IMPG1: variants seen among roughly 807,000 people sequenced by gnomAD.
IMPG1 encodes the protein interphotoreceptor matrix proteoglycan 1.
IMPG1 carries 85 observed loss-of-function variants against 92.0 expected under a neutral mutation model. The observed-to-expected ratio is 0.92, with a 90% CI of 0.78 to 1.11. The LOEUF is 1.11. IMPG1 is among the 50% of genes least tolerant of loss of function. IMPG1 has a pLI of 0.00. For missense variants in IMPG1, 1,022 were observed against 956.0 expected (o/e 1.07, Z -0.91); for synonymous variants, 367 against 334.1 (o/e 1.10, Z -1.08).
chr6:75,922,106 C>A lies in IMPG1; in HGVS notation c.2377G>T (p.Asp793Tyr), dbSNP rs76604824. The A allele has an allele frequency of 7.4e-7, 1 of 1,348,432 alleles. No homozygotes were observed. The highest frequency in any genetic ancestry group is 1.2e-5 in the South Asian group (1 of 82,264). 83.5% of individuals were successfully genotyped at this position (1,348,432 alleles called of 1,614,324 possible). The stretch of plus-strand genomic sequence containing the variant: ...TTCAGTTTTTAATTTCCTTCCCAAT[C>A]TTGATGGTTAAATTCTTCATATTCT... Reference protein sequence around the residue: ...TVEYEEFNHQDWEGN With the variant: ...TVEYEEFNHQYWEGN Residue 793 changes from aspartate to tyrosine, a missense_variant, in exon 17 of 17, where the codon GAT becomes TAT. This residue lies in a region of IMPG1 where 332 missense variants were observed against 346.2 expected (regional missense o/e 0.96). Transcript: ENST00000369950.
Position 76,034,332 on chromosome 6 carries a change from C to T in IMPG1, c.480G>A (p.Gln160=). The T allele has an allele frequency of 6.2e-7, 1 of 1,613,352 alleles. No individual in the cohort carries two copies. Among genetic ancestry groups the T allele is most frequent in the Non-Finnish European group, 8.5e-7 (1 of 1,179,306 alleles). The change falls in exon 4 of 17, where the codon CAG becomes CAA. Residue 160 remains glutamine (Q), a synonymous_variant. Coordinates refer to ENST00000369950, the MANE Select transcript of IMPG1 (RefSeq NM_001563.4). ...HLDLLQQRIK[Q]RSFPDRKDEI... is the part of the protein sequence containing the mutation. ...GTACTTGCCTGTCAGGGAAACTTCT[C>T]TGTTTTATTCTCTGCAAAAAGATAA...
At chr6:76,051,406 C>G (rs116619370) in intron 1 of IMPG1, among the ~76,000 whole-genome samples, 3,481 of 152,282 alleles carry the variant, frequency 0.023, 119 homozygotes, top group African/African-American at 0.076. Context: ...ATACTGTTTT[C>G]TAGGCAATAA....
chr6:75,959,341 G>T (rs1309002160), intron 12 of IMPG1, among the ~76,000 whole-genome samples: 2 of 152,166 alleles, frequency 1.3e-5, no homozygotes, highest in Non-Finnish European at 2.9e-5. Flanking sequence ...AGGAGACACA[G>T]GGTTCAGGGA....
In IMPG1 at chr6:76,049,870, C is replaced by T. The variant is rs115548788; in HGVS notation, c.68-7744G>A. On this transcript the variant is annotated intron_variant, in intron 1 of 16. Transcript: ENST00000369950. ...GCAGACTAAGGAAAATGGTTGGCAC[C>T]GAAGGCTTAAGTTGGGGAGGTTGGT... Among the ~76,000 whole-genome samples, 307 of 152,182 alleles carry T rather than the reference C, an allele frequency of 2.0e-3. 1 individual carries two copies. Among genetic ancestry groups the T allele is most frequent in the African/African-American group, 6.8e-3 (284 of 41,520 alleles).
Position 76,034,683 on chromosome 6 carries a change from A to C in IMPG1, c.406T>G (p.Cys136Gly). 6.2e-7 allele frequency: 1 copy of C among 1,614,164 alleles called. No individual in the cohort carries two copies. Among genetic ancestry groups the C allele is most frequent in the Non-Finnish European group, 8.5e-7 (1 of 1,180,010 alleles). Residue 136 changes from cysteine (C) to glycine (G), a missense_variant, in exon 3 of 17, where the codon TGC becomes GGC. Physicochemically the swap from Cys to Gly is radical, Grantham distance 159. This residue lies in a region of IMPG1 where 681 missense variants were observed against 583.6 expected (regional missense o/e 1.17). Coordinates refer to ENST00000369950, the MANE Select transcript of IMPG1 (RefSeq NM_001563.4). ...WVSICQQETF[C>G]LFDIGKNFSN... is the part of the protein sequence containing the mutation. ...AAGTTTTTTCCAATGTCAAAGAGGC[A>C]GAAGGTCTCCTGCTGGCAGATGCTG...
At chr6:75,965,741 G>C (rs1037888007) in intron 12 of IMPG1, among the ~76,000 whole-genome samples, 2 of 151,374 alleles carry the variant, frequency 1.3e-5, no homozygotes, top group African/African-American at 4.9e-5. Context: ...CTGAGTAGCC[G>C]GGACTACAGG....
At chr6:75,983,778 A>T (rs184446569) in intron 12 of IMPG1, among the ~76,000 whole-genome samples, 1 of 152,228 alleles carries the variant, frequency 6.6e-6, no homozygotes, top group South Asian at 2.1e-4. Flanking sequence ...CAGAGTGAAG[A>T]TAAACCTAAG....
chr6:76,019,418 T>C (rs2149482643), intron 6 of IMPG1, among the ~76,000 whole-genome samples: 1 of 152,302 alleles, frequency 6.6e-6, no homozygotes. Flanking sequence ...ATTGAATATC[T>C]CTGGTTACGT....
At chr6:76,036,921 A>G (rs1442701345) in intron 2 of IMPG1, among the ~76,000 whole-genome samples, 4 of 152,256 alleles carry the variant, frequency 2.6e-5, no homozygotes, top group South Asian at 2.1e-4. Flanking sequence ...CTAGATGTCA[A>G]TGGAAAAGCA....
chr6:76,024,731 T>C (rs1783492798), intron 5 of IMPG1, among the ~76,000 whole-genome samples: 2 of 152,208 alleles, frequency 1.3e-5, no homozygotes, highest in African/African-American at 4.8e-5. Flanking sequence ...CTATTTGTAA[T>C]GTCAGATACA....
intron 1 of IMPG1, 82 bp from the exon 2 acceptor site, chr6:76,042,208 A>C: frequency 1.3e-6 from 1 of 780,638 alleles, no homozygotes; most frequent in South Asian, 1.6e-5. Context: ...GACTGAAATA[A>C]ACTGAAAATT....
chr6:75,966,920 G>A (rs1176041371), intron 12 of IMPG1, among the ~76,000 whole-genome samples: 1 of 152,192 alleles, frequency 6.6e-6, no homozygotes, highest in Non-Finnish European at 1.5e-5. Flanking sequence ...GCTCATGCTT[G>A]TAATCCCAGC....
chr6:76,007,060 T>G (rs1438563545), intron 9 of IMPG1, among the ~76,000 whole-genome samples: 1 of 152,168 alleles, frequency 6.6e-6, no homozygotes, highest in Admixed American at 6.5e-5. Flanking sequence ...TCAGTTCACA[T>G]TGACCTTGGA....
At chr6:76,066,550 A>T (rs1784313664) in intron 1 of IMPG1, among the ~76,000 whole-genome samples, 1 of 152,146 alleles carries the variant, frequency 6.6e-6, no homozygotes, top group African/African-American at 2.4e-5. Flanking sequence ...AACCAGATTC[A>T]TAAAACAAAT....
At chr6:76,009,396 T>C (rs1422229906) in intron 8 of IMPG1, among the ~76,000 whole-genome samples, 1 of 152,196 alleles carries the variant, frequency 6.6e-6, no homozygotes, top group African/African-American at 2.4e-5. Flanking sequence ...TTTATACAAA[T>C]GAGCTGGAGG....
At chr6:76,040,636 G>C (rs1783819718) in intron 2 of IMPG1, among the ~76,000 whole-genome samples, 1 of 152,164 alleles carries the variant, frequency 6.6e-6, no homozygotes. Flanking sequence ...TACAGTGAGA[G>C]TCCTCTTTCA....
chr6:75,947,713 G>A (rs1464860734), intron 13 of IMPG1, among the ~76,000 whole-genome samples, 180 bp from the exon 14 acceptor site: 1 of 152,078 alleles, frequency 6.6e-6, no homozygotes, highest in African/African-American at 2.4e-5. Flanking sequence ...TTGATTTGCA[G>A]TGATTAGTCC....
Position 75,950,910 on chromosome 6 carries a change from C to T in IMPG1, c.1476G>A (p.Leu492=). Residue 492 remains leucine (L), a synonymous_variant, in exon 13 of 17, where the codon CTG becomes CTA. Coordinates refer to ENST00000369950, the MANE Select transcript of IMPG1 (RefSeq NM_001563.4). ...PTSDYSAISQ[L]ALGISHPPAS... Reference sequence around the variant, plus strand: ...CAGGTGGATGTGAAATTCCCAGAGCCAGTTGGCTGATTGCAGAATAATCAC... The same window carrying T: ...CAGGTGGATGTGAAATTCCCAGAGCTAGTTGGCTGATTGCAGAATAATCAC... 1 of 1,613,952 alleles carries T rather than the reference C, an allele frequency of 6.2e-7. No homozygotes were observed. The highest frequency in any genetic ancestry group is 8.5e-7 in the Non-Finnish European group (1 of 1,179,934).
intron 1 of IMPG1, among the ~76,000 whole-genome samples, chr6:76,055,502 G>A (rs1024486439): frequency 6.6e-5 from 10 of 150,750 alleles, no homozygotes; most frequent in African/African-American, 2.4e-4. Context: ...AAAGAGTGGT[G>A]TAAGAAAACA....
Sources: allele counts gnomAD v4.1 joint callset (sites outside exome capture counted in the v4.1 genomes callset), GRCh38; gene constraint gnomAD v4.1.1; regional missense constraint gnomAD v4.1.1; transcripts MANE v1.5; gene names NCBI Gene and HGNC (gene_info 2026-07-23, HGNC 2026-07-21).